The following SNX5 variants were observed in gnomAD, a reference collection of about 807,000 sequenced individuals.
SNX5 encodes sorting nexin-5.
A neutral mutation model predicts 53.9 loss-of-function variants in SNX5; 31 were observed. The observed-to-expected ratio is 0.58, with a 90% confidence interval of 0.43 to 0.78. The LOEUF is 0.78. Among genes scored for constraint, SNX5 ranks in the 30% least tolerant of loss-of-function variants. The probability of loss-of-function intolerance (pLI) is 0.00; values close to 1 mark genes in which losing one functional copy is unlikely to be tolerated. For synonymous variants in SNX5, 168 were observed against 171.1 expected, an observed-to-expected ratio of 0.98 and a Z score of 0.14; for missense variants, 471 against 478.8, an observed-to-expected ratio of 0.98 and a Z score of 0.15.
chr20:17,956,102 A>T (rs2035351363), intron 2 of SNX5, among the ~76,000 whole-genome samples: 1 of 152,066 alleles, frequency 6.6e-6, no homozygotes, highest in Non-Finnish European at 1.5e-5. Flanking sequence ...GTAAGTCTGA[A>T]TTTACCCCCC....
At chr20:17,950,635 C>G (rs1473251356) in intron 6 of SNX5, among the ~76,000 whole-genome samples, 1 of 152,246 alleles carries the variant, frequency 6.6e-6, no homozygotes, top group Non-Finnish European at 1.5e-5. Flanking sequence ...ACCAGTAAAA[C>G]TGGCACCCTA....
intron 10 of SNX5, 23 bp from the exon 11 acceptor site, chr20:17,947,668 T>C (rs1207145553): frequency 1.2e-6 from 2 of 1,601,812 alleles, no homozygotes; most frequent in Admixed American, 1.7e-5. Flanking sequence ...TTAACAGGTA[T>C]ACATACTAAG....
In SNX5 at chr20:17,951,902, A is replaced by G. The variant is rs2039574632; in HGVS notation, c.514-307T>C. ...TCCATATTAAGTAGCAAAAACCAAA[A>G]CATGTTAAAAAGAAAAATAGCATAA... On this transcript the variant is annotated intron_variant, in intron 5 of 12. Coordinates refer to ENST00000377759, the MANE Select transcript of SNX5 (RefSeq NM_014426.4). Among the ~76,000 whole-genome samples, 5 of 152,284 alleles carry G rather than the reference A, an allele frequency of 3.3e-5. No individual in the cohort carries two copies. In the South Asian group the frequency reaches 1.0e-3, roughly 32 times the overall value.
intron 2 of SNX5, 35 bp from the exon 3 acceptor site, chr20:17,955,510 G>A (rs1440277534): frequency 5.5e-6 from 8 of 1,463,264 alleles, no homozygotes; most frequent in African/African-American, 1.4e-5. Context: ...TGGTAACCAC[G>A]ACTTTTAGAT....
chr20:17,947,714 A>G, intron 10 of SNX5, 69 bp from the exon 11 acceptor site: 1 of 1,340,062 alleles, frequency 7.5e-7, no homozygotes, highest in African/African-American at 1.5e-5. Context: ...CCAAGTGCCA[A>G]TGTACCACCT....
intron 1 of SNX5, among the ~76,000 whole-genome samples, chr20:17,957,594 A>G (rs1427325758): frequency 6.6e-6 from 1 of 152,248 alleles, no homozygotes; most frequent in Non-Finnish European, 1.5e-5. Context: ...AATGTCATGT[A>G]CAATACATTT....
At chr20:17,963,376 A>C (rs1381283293) in intron 1 of SNX5, among the ~76,000 whole-genome samples, 1 of 152,206 alleles carries the variant, frequency 6.6e-6, no homozygotes, top group Non-Finnish European at 1.5e-5. Flanking sequence ...TGAGGTGGGA[A>C]GATCACTTGA....
chr20:17,959,262 C>T (rs1477859139), intron 1 of SNX5, among the ~76,000 whole-genome samples: 1 of 152,248 alleles, frequency 6.6e-6, no homozygotes, highest in African/African-American at 2.4e-5. Flanking sequence ...CTACCAGCTG[C>T]TTTAGCTGCT....
In SNX5 at chr20:17,946,657, A is replaced by G. The variant is rs1480346032; in HGVS notation, c.1078+829T>C. On this transcript the variant is annotated intron_variant, in intron 11 of 12. Transcript: ENST00000377759. ...AAAGCTAGAGCTAGAGATGAGGGAA[A>G]TCGTCTTTCTGCAATCGTCAGAGTA... Among the ~76,000 whole-genome samples, 3 of 152,218 alleles carry G rather than the reference A, an allele frequency of 2.0e-5. No homozygotes were observed. The East Asian group carries it at 5.8e-4, about 29-fold the overall frequency.
intron 1 of SNX5, among the ~76,000 whole-genome samples, chr20:17,965,973 C>CA (rs144615523): frequency 0.059 from 9,030 of 152,120 alleles, 380 homozygotes; most frequent in Non-Finnish European, 0.085. Context: ...TAATGGAGAA[C>CA]AAAAATACCC....
At chr20:17,958,009 A>G (rs1303632660) in intron 1 of SNX5, among the ~76,000 whole-genome samples, 1 of 150,928 alleles carries the variant, frequency 6.6e-6, no homozygotes. Flanking sequence ...CGTCAAAAAA[A>G]AAAAAAAAAA....
chr20:17,962,806 C>T (rs762335198), intron 1 of SNX5: 2 of 519,090 alleles, frequency 3.9e-6, no homozygotes, highest in African/African-American at 3.8e-5. Flanking sequence ...TGCCAACACA[C>T]AAGCAGTTCA....
intron 11 of SNX5, chr20:17,943,562 TGAAA>T (rs2039446099): frequency 4.0e-5 from 7 of 174,532 alleles, no homozygotes; most frequent in African/African-American, 1.7e-4. Context: ...CAATGGCTTG[TGAAA>T]ATGCTTCTCA....
chr20:17,961,959 T>C (rs973930483), intron 1 of SNX5: 16 of 979,440 alleles, frequency 1.6e-5, no homozygotes, highest in African/African-American at 3.5e-5. Context: ...TAGATTTGTA[T>C]TAATGTCCAC....
chr20:17,958,887 T>C (rs1287558766), intron 1 of SNX5, among the ~76,000 whole-genome samples: 5 of 152,220 alleles, frequency 3.3e-5, no homozygotes, highest in Non-Finnish European at 4.4e-5. Flanking sequence ...CTACTGATCT[T>C]AGGCTTATCT....
intron 1 of SNX5, among the ~76,000 whole-genome samples, chr20:17,960,278 T>C (rs900242042): frequency 5.3e-5 from 8 of 151,978 alleles, no homozygotes; most frequent in Non-Finnish European, 7.4e-5. Flanking sequence ...CTGACCAACA[T>C]GGTGAAACCC....
chr20:17,952,861 T>TA, intron 4 of SNX5, 151 bp from the exon 5 acceptor site: 13 of 891,234 alleles, frequency 1.5e-5, no homozygotes, highest in Non-Finnish European at 2.1e-5. Context: ...GGTGTCTAGT[T>TA]AGATACTAAG....
intron 1 of SNX5, among the ~76,000 whole-genome samples, chr20:17,964,623 T>C (rs1484353840): frequency 6.6e-6 from 1 of 152,228 alleles, no homozygotes; most frequent in Non-Finnish European, 1.5e-5. Context: ...AATTTACACT[T>C]TAATAGCCGT....
intron 1 of SNX5, among the ~76,000 whole-genome samples, chr20:17,958,994 G>C (rs779919528): frequency 4.6e-5 from 7 of 152,190 alleles, no homozygotes; most frequent in Non-Finnish European, 2.9e-5. Context: ...TCACAGGACA[G>C]GTCTAAGGTG....
Sources: gnomAD v4.1 joint callset for allele counts (sites outside exome capture counted in the v4.1 genomes callset) on GRCh38, gnomAD v4.1.1 for gene constraint, MANE v1.5 for transcripts, NCBI Gene and HGNC (gene_info 2026-07-23, HGNC 2026-07-21) for gene names.